The following GPR35 variants were observed in gnomAD, a reference collection of about 807,000 sequenced individuals.
The protein encoded by GPR35 is KYNA receptor.
For missense variants in GPR35, 372 were observed against 422.5 expected, an observed-to-expected ratio of 0.88 and a Z score of 1.05; for synonymous variants, 207 against 198.4, an observed-to-expected ratio of 1.04 and a Z score of -0.36.
rs569724038 is a variant in GPR35 at position 240,617,519 on chromosome 2, C to G, written c.-149+126C>G. 2.0e-3 allele frequency: 793 copies of G among 399,304 alleles called. 3 individuals carry two copies. The highest frequency in any genetic ancestry group is 3.0e-3 in the Non-Finnish European group (647 of 218,736). The allele number at this position is 399,304 out of a possible 1,614,324, so 24.7% of individuals were successfully genotyped here. A position where few individuals can be genotyped will look rare whatever the true frequency, so the allele number is the denominator to read the frequency against. ...GTAGTGATATTCTACTTCTGTCTTC[C>G]TTCATTATTTATTAGCAGAAATGTA... On this transcript the variant is annotated intron_variant, in intron 4 of 5. Coordinates refer to the GPR35 transcript ENST00000319838.
At chr2:240,612,413 C>T (rs575774958) in intron 2 of GPR35, among the ~76,000 whole-genome samples, 4 of 104,794 alleles carry the variant, frequency 3.8e-5, no homozygotes, top group Non-Finnish European at 7.1e-5. Context: ...GGCGACAGAG[C>T]GAGACTCTGT....
chr2:240,623,046 C>A (rs140037101), upstream of GPR35, among the ~76,000 whole-genome samples: 4 of 120,598 alleles, frequency 3.3e-5, no homozygotes, highest in South Asian at 2.5e-4. Flanking sequence ...CAGCAGAGGA[C>A]CCCAGGCGAC....
At chr2:240,625,367 G>T (rs2043356602), upstream of GPR35, 2 of 985,518 alleles carry the variant, frequency 2.0e-6, no homozygotes, top group Non-Finnish European at 2.4e-6. Flanking sequence ...TGCAGGAGCA[G>T]TGGGGAACTC....
intron 3 of GPR35, among the ~76,000 whole-genome samples, chr2:240,616,741 T>TAAAAAAAAAAAAAAAAA (rs767683322): frequency 1.0e-5 from 1 of 99,932 alleles, no homozygotes; most frequent in Non-Finnish European, 1.9e-5. Context: ...AACAATACAG[T>TAAAAAAAAAAAAAAAAA]AAAAAAAAAA....
In GPR35 at chr2:240,630,218, G is replaced by A. The variant is rs780122954; in HGVS notation, c.266G>A (p.Cys89Tyr). The A allele has an allele frequency of 6.4e-6, 10 of 1,570,954 alleles. No individual in the cohort carries two copies. The highest frequency in any genetic ancestry group is 1.1e-5 in the South Asian group (1 of 87,494). ...SLRDTSDTPL[C>Y]QLSQGIYLTN... ...CGAGACACCTCAGACACGCCGCTGT[G>A]CCAGCTCTCCCAGGGCATCTACCTG... The change falls in exon 2 of 2, where the codon TGC becomes TAC. Residue 89 changes from cysteine (C) to tyrosine (Y), a missense_variant. Cys to Tyr is a radical substitution (Grantham distance 194). Coordinates refer to ENST00000407714, the MANE Select transcript of GPR35 (RefSeq NM_005301.5).
chr2:240,625,994 A>G (rs1187828804), intron 1 of GPR35, among the ~76,000 whole-genome samples: 1 of 52,476 alleles, frequency 1.9e-5, no homozygotes, highest in African/African-American at 5.9e-5. Flanking sequence ...GAGCAGGGTG[A>G]GGCTGTGATG....
intron 3 of GPR35, among the ~76,000 whole-genome samples, chr2:240,616,741 T>TAAAAAAAAAAAAAA (rs767683322): frequency 1.0e-5 from 1 of 99,944 alleles, no homozygotes. Flanking sequence ...AACAATACAG[T>TAAAAAAAAAAAAAA]AAAAAAAAAA....
chr2:240,619,166 G>A (rs556787163), intron 5 of GPR35: 28 of 553,540 alleles, frequency 5.1e-5, no homozygotes, highest in African/African-American at 3.2e-4. Context: ...GGTGATATCC[G>A]AGGACGTCTT....
chr2:240,615,117 T>C (rs980000814), intron 2 of GPR35, among the ~76,000 whole-genome samples: 1 of 149,028 alleles, frequency 6.7e-6, no homozygotes, highest in Non-Finnish European at 1.5e-5. Context: ...ATGCCTGTGC[T>C]TGTGTGTGTG....
intron 2 of GPR35, among the ~76,000 whole-genome samples, chr2:240,614,840 T>C (rs903684057): frequency 3.3e-5 from 5 of 152,122 alleles, no homozygotes; most frequent in Non-Finnish European, 7.4e-5. Context: ...GTGTATGTTG[T>C]ATGTGTATAT....
chr2:240,619,634 C>G (rs1273965165), intron 5 of GPR35, among the ~76,000 whole-genome samples: 76 of 152,228 alleles, frequency 5.0e-4, no homozygotes, highest in Non-Finnish European at 7.3e-5. Flanking sequence ...GGAGGGACTG[C>G]CCCTTCCTTG....
rs370613558 is a variant in GPR35, at chr2:240,630,671, G to A, written c.719G>A (p.Arg240His). 54 of 1,613,116 alleles carry A rather than the reference G, an allele frequency of 3.3e-5. No homozygotes were observed. Among genetic ancestry groups the A allele is most frequent in the Middle Eastern group, 3.3e-4 (2 of 6,084 alleles). Residue 240 changes from arginine (R) to histidine (H), a missense_variant, in exon 2 of 2, where the codon CGC becomes CAC. Arg to His is a conservative substitution (Grantham distance 29, BLOSUM62 0). Coordinates refer to ENST00000407714, the MANE Select transcript of GPR35 (RefSeq NM_005301.5). The stretch of plus-strand genomic sequence containing the variant: ...CCCCTGCACGTGGGGCTGACAGTGC[G>A]CCTCGCAGTGGGCTGGAACGCCTGT... ...FLPLHVGLTV[R>H]LAVGWNACAL...
In GPR35 at chr2:240,625,528, G is replaced by A; in HGVS notation, c.-45G>A. The A allele has an allele frequency of 1.0e-6, 1 of 985,966 alleles. No individual in the cohort carries two copies. 61.1% of individuals were successfully genotyped at this position (985,966 alleles called of 1,614,324 possible). A position where few individuals can be genotyped will look rare whatever the true frequency, so the allele number is the denominator to read the frequency against. Reference sequence around the variant, plus strand: ...AGCCACTGTGCAGGCTTTGGCAGCGGGGGTCACACACTCCACCCGGGAGGC... The same window carrying A: ...AGCCACTGTGCAGGCTTTGGCAGCGAGGGTCACACACTCCACCCGGGAGGC... On this transcript the variant is annotated 5_prime_UTR_variant, in exon 1 of 2. Coordinates refer to ENST00000407714, the MANE Select transcript of GPR35 (RefSeq NM_005301.5).
intron 3 of GPR35, among the ~76,000 whole-genome samples, chr2:240,616,767 ATG>A (rs974811774): frequency 5.3e-5 from 7 of 131,690 alleles, no homozygotes; most frequent in African/African-American, 2.0e-4. Flanking sequence ...AAAAAAAGTG[ATG>A]TGTTGTCTCT....
At chr2:240,623,025 G>A (rs2043314398), upstream of GPR35, among the ~76,000 whole-genome samples, 1 of 150,374 alleles carries the variant, frequency 6.7e-6, no homozygotes, top group Admixed American at 6.6e-5. Context: ...CTCGAAGAAG[G>A]GCCTGAGCAG....
chr2:240,621,210 A>G (rs570797804), upstream of GPR35, among the ~76,000 whole-genome samples: 1 of 152,198 alleles, frequency 6.6e-6, no homozygotes, highest in Non-Finnish European at 1.5e-5. Flanking sequence ...CACCAGAAAA[A>G]CAGTCATAAA....
Position 240,615,431 on chromosome 2 carries a change from C to G in GPR35, c.-576-957C>G, listed in dbSNP as rs1394742543. Among the ~76,000 whole-genome samples the G allele has an allele frequency of 2.0e-5, 3 of 152,338 alleles. No individual in the cohort carries two copies. The East Asian group carries it at 5.8e-4, about 29-fold the overall frequency. On this transcript the variant is annotated intron_variant, in intron 2 of 5. Coordinates refer to the GPR35 transcript ENST00000319838. ...TAAAGGAGAAGGCCACAACACACTC[C>G]CACGTTTTCTACAGACTAGCAGTGG...
chr2:240,627,157 G>A (rs1036992017), intron 1 of GPR35, among the ~76,000 whole-genome samples: 1 of 152,218 alleles, frequency 6.6e-6, no homozygotes, highest in South Asian at 2.1e-4. Context: ...GGCCTGAGGA[G>A]CTGAGGCGGG....
chr2:240,618,522 T>G (rs1450766876), intron 4 of GPR35, among the ~76,000 whole-genome samples: 1 of 152,258 alleles, frequency 6.6e-6, no homozygotes, highest in East Asian at 1.9e-4. Flanking sequence ...CAACCCATAA[T>G]GCAAGTCAGT....
Sources: allele counts gnomAD v4.1 joint callset (sites outside exome capture counted in the v4.1 genomes callset), GRCh38; gene constraint gnomAD v4.1.1; transcripts MANE v1.5; gene names NCBI Gene and HGNC (gene_info 2026-07-23, HGNC 2026-07-21).